The following KIRREL3 variants were observed in gnomAD, a reference collection of about 807,000 sequenced individuals.
KIRREL3 encodes kin of IRRE-like protein 3.
In KIRREL3, 36 loss-of-function variants were observed where a neutral mutation model predicts 89.7. The observed-to-expected ratio is 0.40, with a 90% CI of 0.31 to 0.53. The LOEUF is 0.53. Among genes scored for constraint, KIRREL3 ranks in the 20% least tolerant of loss-of-function variants. KIRREL3 has a pLI of 0.49. For missense variants in KIRREL3, 864 were observed against 1,056.6 expected (o/e 0.82, Z 2.53); for synonymous variants, 445 against 441.4 (o/e 1.01, Z -0.10).
Position 126,486,231 on chromosome 11 carries a change from G to A in KIRREL3, c.434-12765C>T, listed in dbSNP as rs191262041. 3.4e-4 allele frequency among the ~76,000 whole-genome samples: 52 copies of A among 152,118 alleles called. No homozygotes were observed. Among genetic ancestry groups the A allele is most frequent in the Non-Finnish European group, 4.7e-4 (32 of 68,010 alleles). ...AGATGACAGAGGGTGCTACGTGGCCGCCGTCTGCACAGCAAGGGTGAGAGG... is the reference window on the plus strand; with the variant it reads ...AGATGACAGAGGGTGCTACGTGGCCACCGTCTGCACAGCAAGGGTGAGAGG... On this transcript the variant is annotated intron_variant, in intron 4 of 16. Transcript: ENST00000525144. The surrounding 1 kb of genome is among the most constrained non-coding windows in gnomAD (Gnocchi z 6.2).
chr11:126,922,922 C>T (rs1793668), intron 1 of KIRREL3, among the ~76,000 whole-genome samples: 97,367 of 151,994 alleles, frequency 0.64, 32,703 homozygotes, highest in Middle Eastern at 0.84. Flanking sequence ...GCCGAGGTTG[C>T]GAAGGGCCTC....
At position 126,535,624 on chromosome 11, in the gene KIRREL3, T is replaced by C. The variant is rs1937795261; in HGVS notation, c.134-8937A>G. 6.6e-6 allele frequency among the ~76,000 whole-genome samples: 1 copy of C among 152,052 alleles called. No individual in the cohort carries two copies. Among genetic ancestry groups the C allele is most frequent in the African/African-American group, 2.4e-5 (1 of 41,392 alleles). ...GGGTGTGTTTGTCAGATTAACTGAA[T>C]TGGCCTCAACCCCACCTTTTCTCCA... is the stretch of plus-strand genomic sequence containing the variant. On this transcript the variant is annotated intron_variant, in intron 2 of 16. Transcript: ENST00000525144. This position sits in a 1 kb window ranked among gnomAD's most constrained non-coding sequence, Gnocchi z 4.5.
rs371132023 is a variant in KIRREL3 at position 126,946,998 on chromosome 11, G to T, written c.55+53457C>A. Among the ~76,000 whole-genome samples the T allele has an allele frequency of 6.6e-6, 1 of 152,088 alleles. No homozygotes were observed. Among genetic ancestry groups the T allele is most frequent in the Non-Finnish European group, 1.5e-5 (1 of 68,022 alleles). On this transcript the variant is annotated intron_variant, in intron 1 of 16. Transcript: ENST00000525144. This position sits in a 1 kb window ranked among gnomAD's most constrained non-coding sequence, Gnocchi z 4.1. ...GCAGAAAGAACCAGAAATCTTATCCGCTAGGCTCTAGAACCCAAGTTCCTA... is the reference window on the plus strand; with the variant it reads ...GCAGAAAGAACCAGAAATCTTATCCTCTAGGCTCTAGAACCCAAGTTCCTA...
In KIRREL3 at chr11:126,744,080, A is replaced by G. The variant is rs1045779580; in HGVS notation, c.56-181168T>C. 6.6e-6 allele frequency among the ~76,000 whole-genome samples: 1 copy of G among 152,206 alleles called. No homozygotes were observed. Among genetic ancestry groups the G allele is most frequent in the African/African-American group, 2.4e-5 (1 of 41,446 alleles). On this transcript the variant is annotated intron_variant, in intron 1 of 16. Coordinates refer to ENST00000525144, the MANE Select transcript of KIRREL3 (RefSeq NM_032531.4). The surrounding 1 kb of genome is among the most constrained non-coding windows in gnomAD (Gnocchi z 4.7). ...AGAAGAGGAGCAGAAAATGTTCCAG[A>G]AAGTTGGGACTAGCCAAGGGGCAGA... is the stretch of plus-strand genomic sequence containing the variant.
In KIRREL3 at chr11:126,923,210, CTTCT is replaced by C. The variant is rs1565423532; in HGVS notation, c.55+77241_55+77244del. Among the ~76,000 whole-genome samples, 113 of 16,258 alleles carry C rather than the reference CTTCT, an allele frequency of 7.0e-3. 25 individuals are homozygous for C. Among genetic ancestry groups the C allele is most frequent in the East Asian group, 0.012 (12 of 980 alleles). 10.7% of individuals were successfully genotyped at this position (16,258 alleles called of 152,430 possible). On this transcript the variant is annotated intron_variant, in intron 1 of 16. Transcript: ENST00000525144. ...TTCTCTTCTTCTTCTTCTTCTTCTT[CTTCT>C]TCTTCTTCTTCTTCTTCTTCTTCTT...
intron 2 of KIRREL3, among the ~76,000 whole-genome samples, chr11:126,532,960 T>G (rs1958989284): frequency 6.6e-6 from 1 of 152,178 alleles, no homozygotes; most frequent in South Asian, 2.1e-4. Flanking sequence ...AATTAGTAAT[T>G]GCTAACTTTT....
chr11:126,655,711 C>A lies in KIRREL3; in HGVS notation c.56-92799G>T, dbSNP rs1945105894. ...GTGTCTCAAGCATTTCAGGGGGCTG[C>A]AGATTTAGGGGGACAGTCCTGGTGG... On this transcript the variant is annotated intron_variant, in intron 1 of 16. Coordinates refer to ENST00000525144, the MANE Select transcript of KIRREL3 (RefSeq NM_032531.4). The surrounding 1 kb of genome is among the most constrained non-coding windows in gnomAD (Gnocchi z 5.0). 1.3e-5 allele frequency among the ~76,000 whole-genome samples: 2 copies of A among 152,090 alleles called. No individual in the cohort carries two copies. Among genetic ancestry groups the A allele is most frequent in the African/African-American group, 4.8e-5 (2 of 41,416 alleles).
rs1383230810 is a variant in KIRREL3, at chr11:126,454,294, G to A, written c.848+2055C>T. Among the ~76,000 whole-genome samples, 1 of 152,174 alleles carries A rather than the reference G, an allele frequency of 6.6e-6. No homozygotes were observed. The highest frequency in any genetic ancestry group is 1.5e-5 in the Non-Finnish European group (1 of 68,030). On this transcript the variant is annotated intron_variant, in intron 7 of 16. Transcript: ENST00000525144. This position sits in a 1 kb window ranked among gnomAD's most constrained non-coding sequence, Gnocchi z 5.8. ...AGGTGTGGGTGGGGGAGGCAGGCCT[G>A]GGGGTGGAGGGGTCAGGTCCCAGGG... is the stretch of plus-strand genomic sequence containing the variant.
rs1946201804 is a variant in KIRREL3, at chr11:126,676,637, T to C, written c.56-113725A>G. Among the ~76,000 whole-genome samples, 1 of 152,190 alleles carries C rather than the reference T, an allele frequency of 6.6e-6. No individual in the cohort carries two copies. The highest frequency in any genetic ancestry group is 1.5e-5 in the Non-Finnish European group (1 of 68,020). ...AGTTCAGGAAACTCAGACGTGGTCC[T>C]GGACTCTCCTTGCCTGGACTTGAGG... On this transcript the variant is annotated intron_variant, in intron 1 of 16. Transcript: ENST00000525144. The surrounding 1 kb of genome is among the most constrained non-coding windows in gnomAD (Gnocchi z 4.5).
chr11:126,921,437 ATCT>A (rs1322180405), intron 1 of KIRREL3, among the ~76,000 whole-genome samples: 2 of 134,688 alleles, frequency 1.5e-5, no homozygotes, highest in Non-Finnish European at 3.3e-5. Context: ...CTATCTATCT[ATCT>A]ATCTATCTTC....
rs1485523691 is a variant in KIRREL3, at chr11:126,557,979, GA to G, written c.133+4855del. ...TAATCACTCACAAGTATTTCGTCCTGAAAGATGAAAGGGACAGCACCCAGAG... is the reference window on the plus strand; with the variant it reads ...TAATCACTCACAAGTATTTCGTCCTGAAGATGAAAGGGACAGCACCCAGAG... On this transcript the variant is annotated intron_variant, in intron 2 of 16. Coordinates refer to ENST00000525144, the MANE Select transcript of KIRREL3 (RefSeq NM_032531.4). The surrounding 1 kb of genome is among the most constrained non-coding windows in gnomAD (Gnocchi z 5.6). Among the ~76,000 whole-genome samples, 4 of 152,214 alleles carry G rather than the reference GA, an allele frequency of 2.6e-5. No individual in the cohort carries two copies. Among genetic ancestry groups the G allele is most frequent in the African/African-American group, 9.7e-5 (4 of 41,438 alleles).
At position 126,995,102 on chromosome 11, in the gene KIRREL3, C is replaced by T. The variant is rs529944806; in HGVS notation, c.55+5353G>A. On this transcript the variant is annotated intron_variant, in intron 1 of 16. Coordinates refer to ENST00000525144, the MANE Select transcript of KIRREL3 (RefSeq NM_032531.4). This position sits in a 1 kb window ranked among gnomAD's most constrained non-coding sequence, Gnocchi z 6.5. ...CAGGATGAAGCGATTACAACCTGGG[C>T]GCAGTATACTGGCTGGCTTTGCTGC... 17 of 432,526 alleles carry T rather than the reference C, an allele frequency of 3.9e-5. No homozygotes were observed. Among genetic ancestry groups the T allele is most frequent in the East Asian group, 2.1e-4 (3 of 14,084 alleles). 26.8% of individuals were successfully genotyped at this position (432,526 alleles called of 1,614,324 possible).
chr11:126,851,783 T>C (rs1185988063), intron 1 of KIRREL3, among the ~76,000 whole-genome samples: 2 of 152,240 alleles, frequency 1.3e-5, no homozygotes, highest in South Asian at 4.1e-4. Flanking sequence ...TTGCCCTTTT[T>C]TGATGGGACA....
chr11:126,663,278 C>T (rs956869834), intron 1 of KIRREL3, among the ~76,000 whole-genome samples: 13 of 149,140 alleles, frequency 8.7e-5, no homozygotes, highest in Admixed American at 3.4e-4. Flanking sequence ...CTCTGCCTCC[C>T]GGGGTCAAGT....
intron 1 of KIRREL3, among the ~76,000 whole-genome samples, chr11:126,832,506 G>A (rs10790844): frequency 0.53 from 81,221 of 152,026 alleles, 21,696 homozygotes; most frequent in Admixed American, 0.59. Context: ...GCTTGAAGCG[G>A]GACTGTATTT....
At chr11:126,700,170 G>T (rs933374439) in intron 1 of KIRREL3, among the ~76,000 whole-genome samples, 2 of 146,358 alleles carry the variant, frequency 1.4e-5, no homozygotes, top group Non-Finnish European at 3.0e-5. Context: ...GCTCAGCCTA[G>T]GAGACAGAGT....
At chr11:126,916,057 G>A (rs1947025722) in intron 1 of KIRREL3, among the ~76,000 whole-genome samples, 1 of 152,206 alleles carries the variant, frequency 6.6e-6, no homozygotes, top group African/African-American at 2.4e-5. Flanking sequence ...CTAATCATAT[G>A]TAAAACATAT....
In KIRREL3 at chr11:126,924,421, A is replaced by G. The variant is rs180819840; in HGVS notation, c.55+76034T>C. 5.8e-4 allele frequency among the ~76,000 whole-genome samples: 89 copies of G among 152,368 alleles called. No individual in the cohort carries two copies. The highest frequency in any genetic ancestry group is 6.8e-3 in the Middle Eastern group (2 of 294). On this transcript the variant is annotated intron_variant, in intron 1 of 16. Transcript: ENST00000525144. The surrounding 1 kb of genome is among the most constrained non-coding windows in gnomAD (Gnocchi z 4.7). The stretch of plus-strand genomic sequence containing the variant: ...GTACTCAAAAAATATGTGTTCAATG[A>G]AAAAATAATTGGGATCTAAAATAAA...
chr11:126,965,789 G>C lies in KIRREL3; in HGVS notation c.55+34666C>G, dbSNP rs1949250468. The stretch of plus-strand genomic sequence containing the variant: ...TCTGGAGAGTTAACATCAGAAAAGA[G>C]TGAGTGCTTCCAGAGTGCCAGCGAT... On this transcript the variant is annotated intron_variant, in intron 1 of 16. Transcript: ENST00000525144. The surrounding 1 kb of genome is among the most constrained non-coding windows in gnomAD (Gnocchi z 4.4). 6.6e-6 allele frequency among the ~76,000 whole-genome samples: 1 copy of C among 152,168 alleles called. No homozygotes were observed. The highest frequency in any genetic ancestry group is 1.5e-5 in the Non-Finnish European group (1 of 68,032).
Sources: allele counts gnomAD v4.1 joint callset (sites outside exome capture counted in the v4.1 genomes callset), GRCh38; gene constraint gnomAD v4.1.1; non-coding constraint Gnocchi (gnomAD v3.1); transcripts MANE v1.5; gene names NCBI Gene and HGNC (gene_info 2026-07-23, HGNC 2026-07-21).